SERGEF: variants seen among roughly 807,000 people sequenced by gnomAD.
SERGEF encodes secretion regulating guanine nucleotide exchange factor, also known as secretion-regulating guanine nucleotide exchange factor.
SERGEF carries 51 observed loss-of-function variants against 50.0 expected under a neutral mutation model. The observed-to-expected ratio is 1.02, with a 90% confidence interval of 0.81 to 1.29. SERGEF has a LOEUF of 1.29. SERGEF is among the 50% of genes most tolerant of loss of function. The pLI, the probability that SERGEF is intolerant of heterozygous loss-of-function variation, is 0.00. For synonymous variants in SERGEF, 205 were observed against 212.4 expected (o/e 0.97, Z 0.30); for missense variants, 521 against 557.0 (o/e 0.94, Z 0.65).
intron 9 of SERGEF, among the ~76,000 whole-genome samples, chr11:17,949,526 G>A (rs900305749): frequency 2.0e-5 from 3 of 152,050 alleles, no homozygotes; most frequent in African/African-American, 4.8e-5. Flanking sequence ...CAATCCCTGC[G>A]CAATGGGACT....
At chr11:18,006,864 A>C in intron 2 of SERGEF, 118 bp from the exon 3 acceptor site, 2 of 1,153,876 alleles carry the variant, frequency 1.7e-6, no homozygotes, top group Admixed American at 4.1e-5. Context: ...TTTGCCATCC[A>C]AGTTAATAAG....
intron 9 of SERGEF, among the ~76,000 whole-genome samples, chr11:17,885,284 T>C (rs1472328079): frequency 6.6e-6 from 1 of 152,206 alleles, no homozygotes; most frequent in East Asian, 1.9e-4. Flanking sequence ...TAGCAACCAA[T>C]GACTTTAAGC....
At chr11:17,947,130 C>T (rs1421025684) in intron 9 of SERGEF, among the ~76,000 whole-genome samples, 2 of 152,194 alleles carry the variant, frequency 1.3e-5, no homozygotes, top group Non-Finnish European at 2.9e-5. Context: ...GTTAAGATTT[C>T]CGTTCAATTC....
At chr11:17,896,105 G>A (rs1330546524) in intron 9 of SERGEF, among the ~76,000 whole-genome samples, 2 of 152,086 alleles carry the variant, frequency 1.3e-5, no homozygotes, top group Admixed American at 1.3e-4. Flanking sequence ...TAGAATTATT[G>A]AAAAAGGGGC....
intron 10 of SERGEF, among the ~76,000 whole-genome samples, chr11:17,788,719 T>C (rs1291579279): frequency 5.3e-5 from 8 of 152,172 alleles, no homozygotes; most frequent in Non-Finnish European, 1.2e-4. Flanking sequence ...CCAGACCTAC[T>C]GACTCTGCCT....
At chr11:17,978,552 G>A (rs997362894) in intron 8 of SERGEF, among the ~76,000 whole-genome samples, 1 of 152,144 alleles carries the variant, frequency 6.6e-6, no homozygotes, top group African/African-American at 2.4e-5. Context: ...AAGAAATCAG[G>A]AAAAAGGCAG....
chr11:17,830,144 C>T (rs1400470442), intron 10 of SERGEF, among the ~76,000 whole-genome samples: 1 of 152,250 alleles, frequency 6.6e-6, no homozygotes, highest in African/African-American at 2.4e-5. Flanking sequence ...GTGCTTATCA[C>T]ACTGTATTGA....
chr11:17,983,766 G>A (rs1853540238), intron 8 of SERGEF, among the ~76,000 whole-genome samples: 1 of 148,164 alleles, frequency 6.7e-6, no homozygotes, highest in Non-Finnish European at 1.5e-5. Flanking sequence ...AAGGAGAAAT[G>A]ACTAGTCAGC....
chr11:17,968,073 T>C (rs1244091864), intron 8 of SERGEF, among the ~76,000 whole-genome samples: 1 of 152,252 alleles, frequency 6.6e-6, no homozygotes, highest in Non-Finnish European at 1.5e-5. Flanking sequence ...GTTATTTGAC[T>C]GCATATCTTA....
At chr11:17,986,817 C>T (rs901417421) in intron 8 of SERGEF, among the ~76,000 whole-genome samples, 7 of 152,300 alleles carry the variant, frequency 4.6e-5, no homozygotes, top group South Asian at 2.1e-4. Context: ...AATTTCTATG[C>T]GACTTTTGCC....
intron 9 of SERGEF, among the ~76,000 whole-genome samples, chr11:17,915,038 G>A (rs1340049212): frequency 6.6e-6 from 1 of 152,160 alleles, no homozygotes; most frequent in Non-Finnish European, 1.5e-5. Context: ...CCTTTTAGAT[G>A]GCATATTGAC....
chr11:17,818,740 C>T (rs749236444), intron 10 of SERGEF, among the ~76,000 whole-genome samples: 1 of 152,200 alleles, frequency 6.6e-6, no homozygotes, highest in Non-Finnish European at 1.5e-5. Context: ...ATCTAAACTC[C>T]GCCCCTGATT....
intron 6 of SERGEF, 63 bp from the exon 7 acceptor site, chr11:17,993,056 G>T (rs1853753993): frequency 2.1e-6 from 3 of 1,405,570 alleles, no homozygotes; most frequent in African/African-American, 2.8e-5. Context: ...GCAGAGAGGG[G>T]GCACTCAGCC....
intron 10 of SERGEF, among the ~76,000 whole-genome samples, chr11:17,865,924 C>T (rs913575219): frequency 3.3e-5 from 5 of 152,192 alleles, no homozygotes; most frequent in African/African-American, 9.6e-5. Flanking sequence ...TCATCACTCA[C>T]TCACTGACTC....
intron 9 of SERGEF, among the ~76,000 whole-genome samples, chr11:17,934,327 A>C (rs1179300724): frequency 6.6e-6 from 1 of 152,198 alleles, no homozygotes; most frequent in Non-Finnish European, 1.5e-5. Context: ...AATTCAAACA[A>C]GCTAAACCAC....
chr11:17,811,695 C>T (rs752981392), intron 10 of SERGEF, among the ~76,000 whole-genome samples: 18 of 152,204 alleles, frequency 1.2e-4, no homozygotes, highest in African/African-American at 3.9e-4. Flanking sequence ...GCGAAGAATA[C>T]GATCCAGGAG....
intron 1 of SERGEF, among the ~76,000 whole-genome samples, chr11:18,010,681 T>C (rs1854176468): frequency 6.6e-6 from 1 of 152,234 alleles, no homozygotes; most frequent in East Asian, 1.9e-4. Flanking sequence ...ATATGACTAC[T>C]TGTTTACTGT....
At chr11:17,824,694 A>G (rs2133847705) in intron 10 of SERGEF, among the ~76,000 whole-genome samples, 1 of 152,320 alleles carries the variant, frequency 6.6e-6, no homozygotes, top group Non-Finnish European at 1.5e-5. Context: ...GTGTCCTCAC[A>G]TGGCCTTTCC....
intron 8 of SERGEF, among the ~76,000 whole-genome samples, chr11:17,984,833 C>G (rs990363384): frequency 6.6e-6 from 1 of 152,232 alleles, no homozygotes; most frequent in Non-Finnish European, 1.5e-5. Context: ...TACTGATCAT[C>G]TGTTATGTAT....
Sources: allele counts gnomAD v4.1 joint callset (sites outside exome capture counted in the v4.1 genomes callset), GRCh38; gene constraint gnomAD v4.1.1; transcripts MANE v1.5; gene names NCBI Gene and HGNC (gene_info 2026-07-23, HGNC 2026-07-21).